PGAP2: variants seen among roughly 807,000 people sequenced by gnomAD.
PGAP2 encodes the protein post-GPI attachment to proteins 2, also known as acyltransferase PGAP2.
PGAP2 carries 21 observed loss-of-function variants against 33.2 expected under a neutral mutation model. That is an observed-to-expected ratio of 0.63 (90% CI 0.45 to 0.91). PGAP2 has a LOEUF of 0.91. Among genes scored for constraint, PGAP2 ranks in the 40% least tolerant of loss-of-function variants. PGAP2 has a pLI of 0.00. For synonymous variants in PGAP2, 161 were observed against 172.9 expected, an observed-to-expected ratio of 0.93 and a Z score of 0.54; for missense variants, 345 against 424.0, an observed-to-expected ratio of 0.81 and a Z score of 1.64.
At chr11:3,814,826 T>TC (rs2086602733) in intron 2 of PGAP2, among the ~76,000 whole-genome samples, 17 of 146,550 alleles carry the variant, frequency 1.2e-4, no homozygotes, top group African/African-American at 4.3e-4. Context: ...TTCTTTCTTT[T>TC]TTTCTTTTTT....
chr11:3,815,062 C>T (rs536652287), intron 2 of PGAP2, among the ~76,000 whole-genome samples: 47 of 151,366 alleles, frequency 3.1e-4, no homozygotes, highest in African/African-American at 1.1e-3. Flanking sequence ...CTCAGCCTCC[C>T]GAGTAGCTGA....
chr11:3,817,587 G>A (rs1404832172), intron 3 of PGAP2, 52 bp downstream of exon 3: 8 of 1,447,326 alleles, frequency 5.5e-6, no homozygotes, highest in Non-Finnish European at 7.8e-6. Context: ...GGAGGTGGCA[G>A]TTAGGGTAGA....
intron 3 of PGAP2, chr11:3,822,878 G>C: frequency 5.8e-6 from 7 of 1,204,858 alleles, no homozygotes; most frequent in Non-Finnish European, 8.3e-6. Context: ...AGTCCCTGCA[G>C]CTGTGTATTA....
At chr11:3,824,466 A>C in intron 5 of PGAP2, 90 bp downstream of exon 5, 1 of 1,604,180 alleles carries the variant, frequency 6.2e-7, no homozygotes. Context: ...GTGAGGTGGG[A>C]ACTGAGTTCT....
chr11:3,821,811 C>A (rs1359574913), intron 3 of PGAP2, among the ~76,000 whole-genome samples: 3 of 150,354 alleles, frequency 2.0e-5, no homozygotes, highest in Non-Finnish European at 4.4e-5. Flanking sequence ...GCCTGTAATC[C>A]CAGCAGTTTG....
upstream of PGAP2, chr11:3,797,791 T>A (rs1474337824): frequency 6.5e-7 from 1 of 1,541,576 alleles, no homozygotes; most frequent in African/African-American, 1.4e-5. Context: ...GCCGCCGCGG[T>A]TGGCGGGAGC....
At chr11:3,807,743 G>T (rs2084677122), upstream of PGAP2, among the ~76,000 whole-genome samples, 1 of 152,192 alleles carries the variant, frequency 6.6e-6, no homozygotes, top group African/African-American at 2.4e-5. Context: ...CTAACTTAGA[G>T]GTCCTCCACC....
intron 5 of PGAP2, 80 bp downstream of exon 5, chr11:3,824,456 G>C: frequency 2.5e-6 from 4 of 1,610,404 alleles, no homozygotes; most frequent in Non-Finnish European, 3.4e-6. Context: ...TCGGGTAATG[G>C]TGAGGTGGGA....
At chr11:3,822,351 G>A (rs1290079646) in intron 3 of PGAP2, among the ~76,000 whole-genome samples, 2 of 151,754 alleles carry the variant, frequency 1.3e-5, no homozygotes, top group African/African-American at 4.8e-5. Flanking sequence ...GCGACAGTGT[G>A]AGACTCCGTC....
upstream of PGAP2, among the ~76,000 whole-genome samples, chr11:3,805,632 G>T (rs950805329): frequency 6.7e-6 from 1 of 149,652 alleles, no homozygotes; most frequent in Admixed American, 6.6e-5. Flanking sequence ...ACTTTGGGAG[G>T]CCAAGGAAGG....
Position 3,825,560 on chromosome 11 carries a change from G to C in PGAP2, c.*102G>C, listed in dbSNP as rs944788599. On this transcript the variant is annotated 3_prime_UTR_variant, in exon 7 of 7. Coordinates refer to ENST00000278243, the MANE Select transcript of PGAP2 (RefSeq NM_014489.4). ...CCCCACATCCTCTCTTGGCCTTACT[G>C]AAGATGGGGGAAGGGTAAGAAGGAA... 1.6e-6 allele frequency: 2 copies of C among 1,236,006 alleles called. No homozygotes were observed. Among genetic ancestry groups the C allele is most frequent in the Non-Finnish European group, 2.3e-6 (2 of 885,550 alleles). 76.6% of individuals were successfully genotyped at this position (1,236,006 alleles called of 1,614,324 possible).
Position 3,825,410 on chromosome 11 carries a change from G to A in PGAP2, c.900G>A (p.Gly300=). 1 of 1,613,882 alleles carries A rather than the reference G, an allele frequency of 6.2e-7. No homozygotes were observed. The part of the protein sequence containing the change: ...AFHMTAWWDF[G]NKELLITSQP... The stretch of plus-strand genomic sequence containing the variant: ...ACATGACGGCCTGGTGGGACTTCGG[G>A]AACAAGGAGCTGCTCATAACCTCTC... The change falls in exon 7 of 7, where the codon GGG becomes GGA. Residue 300 remains glycine, a synonymous_variant. Coordinates refer to ENST00000278243, the MANE Select transcript of PGAP2 (RefSeq NM_014489.4).
Position 3,825,348 on chromosome 11 carries a change from C to G in PGAP2, c.838C>G (p.Leu280Val). ...AACAGTGTACACCATCTTTGCCATC[C>G]TGGAGTACACTGTTGTCTTAACCAA... Reference protein sequence around the residue: ...EAGVYTIFAILEYTVVLTNMA... With the variant: ...EAGVYTIFAIVEYTVVLTNMA... The change falls in exon 7 of 7, where the codon CTG becomes GTG. Residue 280 changes from leucine to valine, a missense_variant. Coordinates refer to ENST00000278243, the MANE Select transcript of PGAP2 (RefSeq NM_014489.4). 6.2e-7 allele frequency: 1 copy of G among 1,613,860 alleles called. No individual in the cohort carries two copies. Among genetic ancestry groups the G allele is most frequent in the South Asian group, 1.1e-5 (1 of 91,072 alleles).
At chr11:3,817,240 C>G in intron 2 of PGAP2, 113 bp from the exon 3 acceptor site, 1 of 798,008 alleles carries the variant, frequency 1.3e-6, no homozygotes, top group Non-Finnish European at 2.1e-6. Flanking sequence ...CTTTTCTACC[C>G]TTTCTGCTCT....
At chr11:3,822,986 T>A (rs1388756236) in intron 3 of PGAP2, 4 of 1,390,152 alleles carry the variant, frequency 2.9e-6, no homozygotes, top group East Asian at 5.3e-5. Context: ...TTCCTTAGAC[T>A]ACCCCAGGTT....
intron 3 of PGAP2, chr11:3,822,943 A>G: frequency 6.6e-7 from 1 of 1,510,192 alleles, no homozygotes; most frequent in Non-Finnish European, 8.9e-7. Flanking sequence ...AGGCATTAAG[A>G]TGGATGGTGG....
chr11:3,822,869 G>A, intron 3 of PGAP2: 1 of 1,117,728 alleles, frequency 8.9e-7, no homozygotes, highest in Non-Finnish European at 1.3e-6. Context: ...CAAGACACCA[G>A]TCCCTGCAGC....
intron 3 of PGAP2, 161 bp downstream of exon 3, chr11:3,817,696 G>T: frequency 1.4e-6 from 1 of 709,468 alleles, no homozygotes; most frequent in Non-Finnish European, 2.6e-6. Flanking sequence ...ATTCATGGGG[G>T]GAGACTCAGA....
chr11:3,798,079 A>T (rs1040416497), intron 1 of PGAP2: 6 of 1,500,770 alleles, frequency 4.0e-6, no homozygotes, highest in African/African-American at 2.9e-5. Context: ...CCACGTGCGG[A>T]GCCTGAGGGC....
Sources: allele counts gnomAD v4.1 joint callset (sites outside exome capture counted in the v4.1 genomes callset), GRCh38; gene constraint gnomAD v4.1.1; transcripts MANE v1.5; gene names NCBI Gene and HGNC (gene_info 2026-07-23, HGNC 2026-07-21).